Variants in SSH1 observed in about 807,000 individuals in gnomAD.
SSH1 encodes slingshot protein phosphatase 1.
In SSH1, 43 loss-of-function variants were observed where a neutral mutation model predicts 79.7. The observed-to-expected ratio is 0.54, with a 90% CI of 0.42 to 0.70. SSH1 has a LOEUF of 0.70. Ranked by LOEUF, SSH1 falls within the 30% of genes least tolerant of loss-of-function variation. The pLI is 0.00. For synonymous variants in SSH1, 599 were observed against 538.3 expected, an observed-to-expected ratio of 1.11 and a Z score of -1.56; for missense variants, 1,206 against 1,358.8, an observed-to-expected ratio of 0.89 and a Z score of 1.77.
intron 2 of SSH1, among the ~76,000 whole-genome samples, chr12:108,828,363 GACTCA>G (rs2038383380): frequency 6.6e-6 from 1 of 152,114 alleles, no homozygotes. Context: ...GATGGGGCTG[GACTCA>G]CATCTATCTG....
Position 108,785,373 on chromosome 12 carries a change from C to G in SSH1, c.*2615G>C, listed in dbSNP as rs193251433. 1 of 152,252 alleles carries G rather than the reference C, an allele frequency of 6.6e-6. No homozygotes were observed. Among genetic ancestry groups the G allele is most frequent in the African/African-American group, 2.4e-5 (1 of 41,454 alleles). The allele number at this position is 152,252 out of a possible 1,614,324, so 9.4% of individuals were successfully genotyped here. A position where few individuals can be genotyped will look rare whatever the true frequency, so the allele number is the denominator to read the frequency against. The stretch of plus-strand genomic sequence containing the variant: ...CTGACCTCAGATGATCCGCCTGCCT[C>G]GGCCTCCCAAAGTGCTAGGATTACA... On this transcript the variant is annotated 3_prime_UTR_variant, in exon 15 of 15. Coordinates refer to ENST00000326495, the MANE Select transcript of SSH1 (RefSeq NM_018984.4).
At chr12:108,853,025 C>T in intron 1 of SSH1, 2 of 985,346 alleles carry the variant, frequency 2.0e-6, no homozygotes, top group Non-Finnish European at 2.4e-6. Flanking sequence ...TCCTGTTTTT[C>T]TCTTTTAAGG....
chr12:108,812,298 T>C (rs1241780477), intron 5 of SSH1, among the ~76,000 whole-genome samples: 1 of 152,248 alleles, frequency 6.6e-6, no homozygotes, highest in Admixed American at 6.5e-5. Flanking sequence ...CACAGAGCTC[T>C]AGGGACCACG....
In SSH1 at chr12:108,806,409, C is replaced by A; in HGVS notation, c.732-15G>T. 1 of 1,612,472 alleles carries A rather than the reference C, an allele frequency of 6.2e-7. No homozygotes were observed. Among genetic ancestry groups the A allele is most frequent in the Non-Finnish European group, 8.5e-7 (1 of 1,178,556 alleles). On this transcript the variant is annotated splice_polypyrimidine_tract_variant and intron_variant, in intron 8 of 14. Coordinates refer to ENST00000326495, the MANE Select transcript of SSH1 (RefSeq NM_018984.4). ...CTTCAGTGGGCCTGGAAAGAAATGACGTTTAGGAGAGCAAGGAGCTGTAGA... is the reference window on the plus strand; with the variant it reads ...CTTCAGTGGGCCTGGAAAGAAATGAAGTTTAGGAGAGCAAGGAGCTGTAGA...
intron 5 of SSH1, among the ~76,000 whole-genome samples, chr12:108,815,455 T>C (rs985850381): frequency 3.3e-5 from 5 of 152,314 alleles, no homozygotes; most frequent in East Asian, 1.9e-4. Flanking sequence ...GAAAGCATTA[T>C]TGGAACAGGC....
At chr12:108,856,708 AT>A (rs1342480502) in intron 1 of SSH1, among the ~76,000 whole-genome samples, 10 of 152,282 alleles carry the variant, frequency 6.6e-5, no homozygotes, top group Non-Finnish European at 1.3e-4. Flanking sequence ...GCACTCCCAG[AT>A]GCCTGTCTCA....
At chr12:108,809,813 G>T in intron 6 of SSH1, 55 bp from the exon 7 acceptor site, 2 of 1,493,504 alleles carry the variant, frequency 1.3e-6, no homozygotes, top group Non-Finnish European at 1.9e-6. Context: ...AGCGCCTTGA[G>T]TGAAATCACT....
intron 2 of SSH1, chr12:108,827,411 C>CT: frequency 7.0e-7 from 1 of 1,424,456 alleles, no homozygotes; most frequent in South Asian, 1.6e-5. Context: ...GCCATCTGCT[C>CT]CCTATGGAGA....
In SSH1 at chr12:108,856,760, A is replaced by G. The variant is rs147182038; in HGVS notation, c.69+668T>C. 4.2e-4 allele frequency among the ~76,000 whole-genome samples: 64 copies of G among 152,292 alleles called. 1 individual carries two copies. Among genetic ancestry groups the G allele is most frequent in the African/African-American group, 1.5e-3 (62 of 41,542 alleles). On this transcript the variant is annotated intron_variant, in intron 1 of 14. Coordinates refer to ENST00000326495, the MANE Select transcript of SSH1 (RefSeq NM_018984.4). ...CGGACGGCAGGTCAGCAACAGTCAC[A>G]TCTCACATCGCACAGCCAGGCATAC...
At chr12:108,836,672 T>C (rs1212783301) in intron 2 of SSH1, among the ~76,000 whole-genome samples, 1 of 152,192 alleles carries the variant, frequency 6.6e-6, no homozygotes, top group East Asian at 1.9e-4. Flanking sequence ...AAAGTATCTC[T>C]CCAAGGAATG....
At chr12:108,846,477 G>T (rs532605977) in intron 2 of SSH1, among the ~76,000 whole-genome samples, 2 of 152,192 alleles carry the variant, frequency 1.3e-5, no homozygotes, top group Admixed American at 6.5e-5. Flanking sequence ...CAGTCTGAAC[G>T]GCACAGCTTC....
At chr12:108,852,035 T>C (rs1273030982) in intron 2 of SSH1, among the ~76,000 whole-genome samples, 1 of 152,058 alleles carries the variant, frequency 6.6e-6, no homozygotes, top group African/African-American at 2.4e-5. Context: ...CAGCAAGACC[T>C]TGTCTCTATT....
intron 4 of SSH1, 198 bp from the exon 5 acceptor site, chr12:108,817,357 T>C: frequency 1.6e-6 from 1 of 642,578 alleles, no homozygotes; most frequent in Non-Finnish European, 2.7e-6. Flanking sequence ...GCAGATCACT[T>C]GAGGTCAGGA....
intron 2 of SSH1, among the ~76,000 whole-genome samples, chr12:108,842,343 G>A (rs910350937): frequency 1.3e-5 from 2 of 152,202 alleles, no homozygotes; most frequent in African/African-American, 4.8e-5. Flanking sequence ...GTTAGGGCAG[G>A]ACTCAGGTCC....
rs1468745791 is a variant in SSH1, at chr12:108,839,713, A to AG, written c.110+12924dup. Among the ~76,000 whole-genome samples, 3 of 152,236 alleles carry AG rather than the reference A, an allele frequency of 2.0e-5. No homozygotes were observed. In the East Asian group the frequency reaches 5.8e-4, roughly 29 times the overall value. ...AAGAAAAAAAAAACTGTAAAAGTAA[A>AG]GGCACTCAAGAATGATATTTCCCAG... is the stretch of plus-strand genomic sequence containing the variant. On this transcript the variant is annotated intron_variant, in intron 2 of 14. Coordinates refer to ENST00000326495, the MANE Select transcript of SSH1 (RefSeq NM_018984.4).
chr12:108,804,147 C>T (rs1317947320), intron 10 of SSH1, among the ~76,000 whole-genome samples: 1 of 152,214 alleles, frequency 6.6e-6, no homozygotes, highest in Non-Finnish European at 1.5e-5. Flanking sequence ...GCTTCCAACT[C>T]CTAGGCTAAA....
Position 108,788,664 on chromosome 12 carries a change from T to C in SSH1, c.2474A>G (p.His825Arg). Residue 825 changes from histidine to arginine, a missense_variant, in exon 15 of 15, where the codon CAC (histidine) becomes CGC (arginine). By Grantham distance (29) the His-to-Arg change is conservative. Around this residue, in one of 5 missense-constraint regions of SSH1, gnomAD observed 709 missense variants for 730.6 expected, o/e 0.97. Coordinates refer to ENST00000326495, the MANE Select transcript of SSH1 (RefSeq NM_018984.4). ...CTTCAGCCGCTCTAGCTCTTTGGTG[T>C]GCTTGCGGACCAAGCCTGCCTTCTG... ...QLQKAGLVRK[H>R]TKELERLKSV... 6.2e-7 allele frequency: 1 copy of C among 1,614,124 alleles called. No homozygotes were observed. The highest frequency in any genetic ancestry group is 8.5e-7 in the Non-Finnish European group (1 of 1,180,042).
At position 108,852,698 on chromosome 12, in the gene SSH1, A is replaced by T; in HGVS notation, c.70-20T>A. 6.2e-7 allele frequency: 1 copy of T among 1,614,082 alleles called. No individual in the cohort carries two copies. Among genetic ancestry groups the T allele is most frequent in the Non-Finnish European group, 8.5e-7 (1 of 1,180,022 alleles). ...CTCCAACTACAGAGAAAGAAAGAGA[A>T]TATCACACCACAGGCACCACTGTCA... is the stretch of plus-strand genomic sequence containing the variant. On this transcript the variant is annotated intron_variant, in intron 1 of 14. Transcript: ENST00000326495.
intron 10 of SSH1, among the ~76,000 whole-genome samples, chr12:108,803,679 T>TCCTCTTGCTGTGACTGC (rs1452689518): frequency 6.6e-6 from 1 of 152,142 alleles, no homozygotes; most frequent in African/African-American, 2.4e-5. Flanking sequence ...GCTGAGACTG[T>TCCTCTTGCTGTGACTGC]CCTCTTGCTG....
Sources: allele counts gnomAD v4.1 joint callset (sites outside exome capture counted in the v4.1 genomes callset), GRCh38; gene constraint gnomAD v4.1.1; regional missense constraint gnomAD v4.1.1; transcripts MANE v1.5; gene names NCBI Gene and HGNC (gene_info 2026-07-23, HGNC 2026-07-21).